The following HELLS variants were observed in gnomAD, a reference collection of about 807,000 sequenced individuals.
HELLS encodes the protein lymphoid-specific helicase.
In HELLS, 32 loss-of-function variants were observed where a neutral mutation model predicts 120.0. The ratio of observed to expected loss-of-function variants is 0.27; its 90% confidence interval spans 0.20 to 0.36. HELLS has a LOEUF of 0.36. HELLS is among the 10% of genes least tolerant of loss of function. The probability of loss-of-function intolerance (pLI) is 1.00; values close to 1 mark genes in which losing one functional copy is unlikely to be tolerated. For missense variants in HELLS, 650 were observed against 993.4 expected, an observed-to-expected ratio of 0.65 and a Z score of 4.65; for synonymous variants, 341 against 323.4, an observed-to-expected ratio of 1.05 and a Z score of -0.58.
intron 2 of HELLS, among the ~76,000 whole-genome samples, chr10:94,550,734 T>TA (rs1842943801): frequency 6.6e-6 from 1 of 151,818 alleles, no homozygotes; most frequent in African/African-American, 2.4e-5. Context: ...TACAAAAAAT[T>TA]AAAAAACTAG....
intron 6 of HELLS, 24 bp from the exon 7 acceptor site, chr10:94,571,364 G>T: frequency 1.4e-6 from 2 of 1,434,774 alleles, no homozygotes; most frequent in African/African-American, 1.4e-5. Context: ...TTATTAATTT[G>T]TTTTTGTTTT....
chr10:94,558,105 T>C (rs992939336), intron 3 of HELLS, 34 bp from the exon 4 acceptor site: 1 of 1,552,134 alleles, frequency 6.4e-7, no homozygotes, highest in Non-Finnish European at 8.6e-7. Context: ...TGTTGCACTT[T>C]CCACTTGTGA....
chr10:94,559,000 A>G (rs944477467), intron 4 of HELLS, among the ~76,000 whole-genome samples: 1 of 152,182 alleles, frequency 6.6e-6, no homozygotes, highest in Non-Finnish European at 1.5e-5. Context: ...GAACAATCAT[A>G]TTCAAGGATT....
Position 94,581,457 on chromosome 10 carries a change from C to T in HELLS, c.1164C>T (p.Asn388=). ...TTTTGACTGGTACTCCCTTGCAAAA[C>T]AATTTATCAGAACTTTGGTCATTGC... ...KLLLTGTPLQ[N]NLSELWSLLN... Residue 388 remains asparagine, a synonymous_variant, in exon 11 of 22, where the codon AAC becomes AAT. Coordinates refer to ENST00000348459, the MANE Select transcript of HELLS (RefSeq NM_018063.5). 1 of 1,612,748 alleles carries T rather than the reference C, an allele frequency of 6.2e-7. No individual in the cohort carries two copies. Among genetic ancestry groups the T allele is most frequent in the African/African-American group, 1.3e-5 (1 of 75,008 alleles).
intron 18 of HELLS, among the ~76,000 whole-genome samples, chr10:94,594,446 T>C (rs1845646398): frequency 6.6e-6 from 1 of 152,168 alleles, no homozygotes; most frequent in Non-Finnish European, 1.5e-5. Context: ...CCCAAAATGC[T>C]GAGATTATAG....
intron 9 of HELLS, among the ~76,000 whole-genome samples, chr10:94,575,246 T>C (rs1303012267): frequency 9.2e-5 from 14 of 151,694 alleles, no homozygotes; most frequent in Non-Finnish European, 2.1e-4. Context: ...ATTACAAGCA[T>C]GTGCCACCAT....
At chr10:94,565,488 G>C (rs945511658) in intron 6 of HELLS, among the ~76,000 whole-genome samples, 1 of 152,160 alleles carries the variant, frequency 6.6e-6, no homozygotes, top group Non-Finnish European at 1.5e-5. Context: ...TCAAGAGTTC[G>C]AGGCCAGCCT....
chr10:94,597,043 A>T lies in HELLS; in HGVS notation c.2354A>T (p.Lys785Ile), dbSNP rs1845772895. ...LKSRDYEREI[K>I]GSREKVISDK... ...TATTTTGTTTTCTATAGGGAAATAAAAGGATCAAGAGAGAAGGTCATTAGT... is the reference window on the plus strand; with the variant it reads ...TATTTTGTTTTCTATAGGGAAATAATAGGATCAAGAGAGAAGGTCATTAGT... Residue 785 changes from lysine to isoleucine, a missense_variant, in exon 21 of 22, where the codon AAA becomes ATA. This residue lies in a region of HELLS where 90 missense variants were observed against 109.2 expected (regional missense o/e 0.82). Transcript: ENST00000348459. 2 of 1,583,454 alleles carry T rather than the reference A, an allele frequency of 1.3e-6. No individual in the cohort carries two copies. Among genetic ancestry groups the T allele is most frequent in the Non-Finnish European group, 1.7e-6 (2 of 1,153,684 alleles).
chr10:94,574,381 T>G (rs928231739), intron 8 of HELLS, 173 bp from the exon 9 acceptor site: 12 of 701,194 alleles, frequency 1.7e-5, no homozygotes, highest in Non-Finnish European at 2.1e-5. Flanking sequence ...TCCAGCACTT[T>G]TATGGCTTTG....
At chr10:94,576,568 A>G in intron 9 of HELLS, 94 bp from the exon 10 acceptor site, 1 of 650,778 alleles carries the variant, frequency 1.5e-6, no homozygotes, top group Non-Finnish European at 2.3e-6. Context: ...TTTTAAAATT[A>G]TATTTTTTCC....
chr10:94,612,297 A>T (rs546904031), exon 10 of HELLS: 4 of 152,332 alleles, frequency 2.6e-5, no homozygotes, highest in African/African-American at 9.6e-5. Context: ...ATTATAATGG[A>T]TTTGAAATTT....
chr10:94,558,602 AT>A (rs967097606), intron 4 of HELLS, among the ~76,000 whole-genome samples: 1 of 150,176 alleles, frequency 6.7e-6, no homozygotes. Context: ...CTCTTACTCT[AT>A]TTTTTTTTTC....
At chr10:94,582,496 T>C (rs1277910239) in intron 11 of HELLS, among the ~76,000 whole-genome samples, 1 of 152,316 alleles carries the variant, frequency 6.6e-6, no homozygotes, top group South Asian at 2.1e-4. Context: ...CATTGTAATA[T>C]ATATATTTTC....
At chr10:94,554,655 TG>T (rs200962560) in intron 3 of HELLS, among the ~76,000 whole-genome samples, 17,936 of 135,290 alleles carry the variant, frequency 0.13, 1,761 homozygotes, top group East Asian at 0.28. Context: ...TTTTTTTTTT[TG>T]TTTTTTTTTT....
At chr10:94,572,365 C>T (rs1489706320) in intron 7 of HELLS, among the ~76,000 whole-genome samples, 1 of 152,156 alleles carries the variant, frequency 6.6e-6, no homozygotes, top group Admixed American at 6.6e-5. Flanking sequence ...AGGTATAGAA[C>T]ATTTCCATTG....
At chr10:94,610,049 C>T (rs935360491) in exon 10 of HELLS, 1 of 152,112 alleles carries the variant, frequency 6.6e-6, no homozygotes, top group African/African-American at 2.4e-5. Flanking sequence ...GTGTTCCTCA[C>T]TCAGATACGT....
At chr10:94,588,478 C>CT in intron 13 of HELLS, 88 bp downstream of exon 13, 1 of 966,498 alleles carries the variant, frequency 1.0e-6, no homozygotes. Context: ...AGGTGTCGCT[C>CT]TGTCACCCAG....
At chr10:94,546,161 C>T (rs561972785) in intron 1 of HELLS, among the ~76,000 whole-genome samples, 14 of 152,296 alleles carry the variant, frequency 9.2e-5, no homozygotes, top group African/African-American at 3.4e-4. Context: ...TAGGCAACTG[C>T]ATTTTCCCGA....
At chr10:94,549,123 A>C (rs1842868917) in intron 2 of HELLS, among the ~76,000 whole-genome samples, 1 of 152,216 alleles carries the variant, frequency 6.6e-6, no homozygotes, top group Non-Finnish European at 1.5e-5. Flanking sequence ...TATTTTTTGC[A>C]CTGGACCCTC....
Sources: allele counts gnomAD v4.1 joint callset (sites outside exome capture counted in the v4.1 genomes callset), GRCh38; gene constraint gnomAD v4.1.1; regional missense constraint gnomAD v4.1.1; transcripts MANE v1.5; gene names NCBI Gene and HGNC (gene_info 2026-07-23, HGNC 2026-07-21).